SPATA7: variants seen among roughly 807,000 people sequenced by gnomAD.
SPATA7 encodes the protein spermatogenesis-associated protein 7.
Under a neutral mutation model 51.8 loss-of-function variants are expected in SPATA7, and 43 were observed. The ratio of observed to expected loss-of-function variants is 0.83; its 90% CI spans 0.65 to 1.07. The LOEUF is 1.07. Ranked by LOEUF, SPATA7 falls within the 50% of genes least tolerant of loss-of-function variation. SPATA7 has a pLI of 0.00. For missense variants in SPATA7, 683 were observed against 701.3 expected, an observed-to-expected ratio of 0.97 and a Z score of 0.30; for synonymous variants, 230 against 252.8, an observed-to-expected ratio of 0.91 and a Z score of 0.86.
At chr14:88,404,587 T>G (rs1338429950) in intron 4 of SPATA7, among the ~76,000 whole-genome samples, 1 of 152,036 alleles carries the variant, frequency 6.6e-6, no homozygotes, top group East Asian at 1.9e-4. Flanking sequence ...TGTGGTGGCA[T>G]GCACCTGTAG....
At chr14:88,385,882 C>G (rs749777518) in intron 1 of SPATA7, 45 bp downstream of exon 1, 8 of 1,576,792 alleles carry the variant, frequency 5.1e-6, no homozygotes, top group Admixed American at 1.9e-5. Flanking sequence ...GCCCCTCGCT[C>G]CAGGCGGCGC....
chr14:88,437,768 T>A (rs1423724215), intron 11 of SPATA7, 70 bp from the exon 12 acceptor site: 10 of 1,458,734 alleles, frequency 6.9e-6, no homozygotes, highest in Non-Finnish European at 5.6e-6. Flanking sequence ...CCTGTGAGAT[T>A]TTCAGCACTG....
intron 3 of SPATA7, among the ~76,000 whole-genome samples, chr14:88,444,426 T>G (rs1214376531): frequency 6.7e-6 from 1 of 150,314 alleles, no homozygotes; most frequent in African/African-American, 2.5e-5. Context: ...TTCTCCCATT[T>G]TTTAGGTTGC....
chr14:88,438,601 G>A (rs1407340340), downstream of SPATA7: 4 of 661,542 alleles, frequency 6.0e-6, no homozygotes, highest in Non-Finnish European at 1.1e-5. Flanking sequence ...TGGATCAGGA[G>A]TGTAGGCACA....
chr14:88,391,269 A>G (rs2075736929), intron 1 of SPATA7, 112 bp from the exon 2 acceptor site: 2 of 966,358 alleles, frequency 2.1e-6, no homozygotes, highest in East Asian at 5.4e-5. Context: ...ACCTTTTAGG[A>G]AAGAAATTAT....
intron 5 of SPATA7, among the ~76,000 whole-genome samples, chr14:88,422,480 C>G (rs1385117945): frequency 1.3e-5 from 2 of 151,404 alleles, no homozygotes; most frequent in Non-Finnish European, 1.5e-5. Flanking sequence ...TATTATTCAG[C>G]ATGAGTATAA....
In SPATA7 at chr14:88,461,754, G is replaced by A. The variant is rs183167421; in HGVS notation, c.255-8093G>A. On this transcript the variant is annotated intron_variant, in intron 4 of 4. Transcript: ENST00000556406. ...CCGACAAGCCCCGTGAGATGAACCC[G>A]GTACCTCAGTTGGAAATGCAGAAAT... 3.4e-3 allele frequency among the ~76,000 whole-genome samples: 519 copies of A among 152,144 alleles called. 4 individuals are homozygous for A. The highest frequency in any genetic ancestry group is 0.011 in the African/African-American group (457 of 41,510).
chr14:88,439,198 A>G (rs187124910), downstream of SPATA7, among the ~76,000 whole-genome samples: 167 of 152,274 alleles, frequency 1.1e-3, 1 homozygote, highest in Non-Finnish European at 1.7e-3. Context: ...CTTGTCTGCA[A>G]TATCTTTAAT....
chr14:88,427,812 A>G lies in SPATA7; in HGVS notation c.912+116A>G, dbSNP rs183411153. ...GAATAATCTGTTGGTGGCACTTATCATACATGATATAGCCAGTATACAGAA... is the reference window on the plus strand; with the variant it reads ...GAATAATCTGTTGGTGGCACTTATCGTACATGATATAGCCAGTATACAGAA... On this transcript the variant is annotated intron_variant, in intron 7 of 11. Coordinates refer to ENST00000393545, the MANE Select transcript of SPATA7 (RefSeq NM_018418.5). 458 of 779,452 alleles carry G rather than the reference A, an allele frequency of 5.9e-4. 4 individuals are homozygous for G. The African/African-American group carries it at 6.8e-3, about 12-fold the overall frequency. 48.3% of individuals were successfully genotyped at this position (779,452 alleles called of 1,614,324 possible).
At chr14:88,396,324 T>C (rs536017080) in intron 4 of SPATA7, 121 bp downstream of exon 4, 2 of 701,970 alleles carry the variant, frequency 2.8e-6, no homozygotes, top group Admixed American at 4.5e-5. Flanking sequence ...ACATTAATAT[T>C]GTGGTACAAT....
chr14:88,402,615 T>G (rs1403733652), intron 4 of SPATA7, among the ~76,000 whole-genome samples: 1 of 152,052 alleles, frequency 6.6e-6, no homozygotes, highest in East Asian at 1.9e-4. Context: ...AAATGGACTC[T>G]TAAACCATAG....
At chr14:88,434,386 A>G (rs2077019857) in intron 10 of SPATA7, among the ~76,000 whole-genome samples, 1 of 152,156 alleles carries the variant, frequency 6.6e-6, no homozygotes, top group African/African-American at 2.4e-5. Context: ...TATGTCATTG[A>G]TTAGAAAAAA....
Position 88,437,903 on chromosome 14 carries a change from G to A in SPATA7, c.1281G>A (p.Ser427=), listed in dbSNP as rs867885753. 8.1e-6 allele frequency: 13 copies of A among 1,611,158 alleles called. No individual in the cohort carries two copies. The East Asian group carries it at 1.3e-4, about 17-fold the overall frequency. Residue 427 remains serine (S), a synonymous_variant, in exon 12 of 12, where the codon TCG becomes TCA. Coordinates refer to ENST00000393545, the MANE Select transcript of SPATA7 (RefSeq NM_018418.5). ...TAGGCTGCACATCGGAGGAAAACTCGGTAAAGCAAAATGATGTTGATATGT... is the reference window on the plus strand; with the variant it reads ...TAGGCTGCACATCGGAGGAAAACTCAGTAAAGCAAAATGATGTTGATATGT... ...VDLGCTSEEN[S]VKQNDVDMLN... is the part of the protein sequence containing the mutation.
At position 88,429,378 on chromosome 14, in the gene SPATA7, G is replaced by T. The variant is rs2076880320; in HGVS notation, c.943G>T (p.Glu315Ter). Residue 315 changes from glutamate (E) to a stop codon, truncating the protein, a stop_gained, in exon 8 of 12, where the codon GAA becomes TAA. Coordinates refer to ENST00000393545, the MANE Select transcript of SPATA7 (RefSeq NM_018418.5). LOFTEE classifies it high-confidence loss of function. ...ASNCVTYDAK[E>*]KIAPLPLEGH... ...TAATTGTGTGACATATGATGCCAAA[G>T]AAAAAATAGCTCCTTTACCTTTAGA... 6.2e-7 allele frequency: 1 copy of T among 1,611,960 alleles called. No homozygotes were observed. The highest frequency in any genetic ancestry group is 1.3e-5 in the African/African-American group (1 of 74,786).
rs369925915 is a variant in SPATA7 at position 88,429,299 on chromosome 14, G to A, written c.913-49G>A. The A allele has an allele frequency of 1.8e-4, 198 of 1,078,944 alleles. 2 individuals are homozygous for A. Among genetic ancestry groups the A allele is most frequent in the South Asian group, 1.7e-3 (132 of 78,804 alleles). The allele number at this position is 1,078,944 out of a possible 1,614,324, so 66.8% of individuals were successfully genotyped here. Reference sequence around the variant, plus strand: ...ATTTGCTGTGTTATATTCTGCTTTCGTAATGTATTTTTAAGCAAAAATAAA... The same window carrying A: ...ATTTGCTGTGTTATATTCTGCTTTCATAATGTATTTTTAAGCAAAAATAAA... On this transcript the variant is annotated intron_variant, in intron 7 of 11. Coordinates refer to ENST00000393545, the MANE Select transcript of SPATA7 (RefSeq NM_018418.5).
intron 4 of SPATA7, among the ~76,000 whole-genome samples, chr14:88,402,959 C>CAAAAAAAAAAAAAAAAAAAAAAAAAGA (rs56330042): frequency 1.6e-5 from 1 of 62,018 alleles, no homozygotes; most frequent in Admixed American, 2.7e-4. Context: ...AACTCAATAG[C>CAAAAAAAAAAAAAAAAAAAAAAAAAGA]AAAAAAAAAA....
chr14:88,406,728 C>T (rs2076210418), intron 4 of SPATA7: 1 of 152,144 alleles, frequency 6.6e-6, no homozygotes, highest in African/African-American at 2.4e-5. Flanking sequence ...AACCTGTCAT[C>T]TACATTAGGT....
intron 4 of SPATA7, among the ~76,000 whole-genome samples, chr14:88,461,733 C>A (rs1292200066): frequency 6.6e-6 from 1 of 151,106 alleles, no homozygotes; most frequent in Non-Finnish European, 1.5e-5. Context: ...CACTGTCCGA[C>A]AAGCCCCGTG....
chr14:88,433,481 T>A (rs191483426), intron 10 of SPATA7, among the ~76,000 whole-genome samples: 3 of 152,276 alleles, frequency 2.0e-5, no homozygotes, highest in Admixed American at 2.0e-4. Context: ...AAGTGACTAG[T>A]GAAGGAAGAT....
Sources: gnomAD v4.1 joint callset for allele counts (sites outside exome capture counted in the v4.1 genomes callset) on GRCh38, gnomAD v4.1.1 for gene constraint, MANE v1.5 for transcripts, NCBI Gene and HGNC (gene_info 2026-07-23, HGNC 2026-07-21) for gene names.